The following AGBL4 variants were observed in gnomAD, a reference collection of about 807,000 sequenced individuals.
AGBL4 encodes the protein cytosolic carboxypeptidase 6.
Under a neutral mutation model 66.4 loss-of-function variants are expected in AGBL4, and 58 were observed. The ratio of observed to expected loss-of-function variants is 0.87; its 90% CI spans 0.71 to 1.09. The LOEUF (loss-of-function observed/expected upper bound fraction) is 1.09. Among genes scored for constraint, AGBL4 ranks in the 50% least tolerant of loss-of-function variants. The pLI, the probability that AGBL4 is intolerant of heterozygous loss-of-function variation, is 0.00. For missense variants in AGBL4, 579 were observed against 631.0 expected (o/e 0.92, Z 0.88); for synonymous variants, 234 against 222.9 (o/e 1.05, Z -0.44).
intron 3 of AGBL4, among the ~76,000 whole-genome samples, chr1:49,480,196 T>G (rs1646927887): frequency 6.6e-6 from 1 of 152,108 alleles, no homozygotes; most frequent in African/African-American, 2.4e-5. Context: ...TCTTTAGGTC[T>G]TTGAGGAATC....
At chr1:49,087,310 A>G (rs1644926376) in intron 4 of AGBL4, among the ~76,000 whole-genome samples, 1 of 152,246 alleles carries the variant, frequency 6.6e-6, no homozygotes, top group South Asian at 2.1e-4. Context: ...TTAAAGAGAA[A>G]GTTGAAACCC....
At chr1:48,790,681 G>GAGAGGTGAGATATTTA (rs1645528602) in intron 6 of AGBL4, among the ~76,000 whole-genome samples, 2 of 152,188 alleles carry the variant, frequency 1.3e-5, no homozygotes, top group South Asian at 4.1e-4. Context: ...CAACAGTGTA[G>GAGAGGTGAGATATTTA]AGAGGTGAGA....
At chr1:48,711,448 A>C (rs765862312) in intron 6 of AGBL4, among the ~76,000 whole-genome samples, 2 of 152,180 alleles carry the variant, frequency 1.3e-5, no homozygotes, top group Non-Finnish European at 2.9e-5. Context: ...TTGGTGTTAA[A>C]TGTGACTTGT....
intron 3 of AGBL4, among the ~76,000 whole-genome samples, chr1:49,474,089 T>A (rs1646801645): frequency 1.3e-5 from 2 of 152,100 alleles, no homozygotes; most frequent in Non-Finnish European, 2.9e-5. Context: ...TTCTTTTTGC[T>A]TAGGACTTCC....
At chr1:48,789,706 G>C (rs990315210) in intron 6 of AGBL4, among the ~76,000 whole-genome samples, 2 of 152,152 alleles carry the variant, frequency 1.3e-5, no homozygotes, top group African/African-American at 2.4e-5. Flanking sequence ...AAAGGAAAGG[G>C]AGGGAGACAT....
At chr1:48,721,061 C>A (rs1331270621) in intron 6 of AGBL4, among the ~76,000 whole-genome samples, 1 of 151,132 alleles carries the variant, frequency 6.6e-6, no homozygotes, top group Non-Finnish European at 1.5e-5. Context: ...GGTAGAGAGG[C>A]AGAGGAGCTG....
chr1:49,324,068 G>A (rs371343485), intron 3 of AGBL4, among the ~76,000 whole-genome samples: 3 of 152,128 alleles, frequency 2.0e-5, no homozygotes, highest in Non-Finnish European at 2.9e-5. Flanking sequence ...ACAAATTAAC[G>A]AATAAATGAC....
At chr1:48,526,901 T>C in the AGBL4 span, among the ~76,000 whole-genome samples, 2 of 152,116 alleles carry the variant, frequency 1.3e-5, no homozygotes, top group Non-Finnish European at 2.9e-5. Flanking sequence ...GTCTCCTTCA[T>C]CTCTCCATGG....
At chr1:48,996,385 C>T (rs1024280171) in intron 5 of AGBL4, among the ~76,000 whole-genome samples, 9 of 152,154 alleles carry the variant, frequency 5.9e-5, no homozygotes, top group Non-Finnish European at 8.8e-5. Flanking sequence ...AAGAAGAAAG[C>T]ATAGTGGCTA....
chr1:49,142,727 A>G (rs952087490), intron 4 of AGBL4, among the ~76,000 whole-genome samples: 1 of 152,172 alleles, frequency 6.6e-6, no homozygotes, highest in Non-Finnish European at 1.5e-5. Context: ...TAATCTAAGG[A>G]ATATCAAAAT....
chr1:48,648,110 T>C (rs761359798), intron 8 of AGBL4, among the ~76,000 whole-genome samples: 1 of 152,162 alleles, frequency 6.6e-6, no homozygotes, highest in Non-Finnish European at 1.5e-5. Context: ...TAGGGTTTGA[T>C]GGCATTAAAC....
intron 4 of AGBL4, among the ~76,000 whole-genome samples, chr1:49,230,509 T>A (rs966873876): frequency 6.6e-6 from 1 of 152,144 alleles, no homozygotes. Context: ...ACATTTAGTG[T>A]CTCATCCGCT....
chr1:49,338,348 A>C (rs1346535205), intron 3 of AGBL4, among the ~76,000 whole-genome samples: 1 of 152,204 alleles, frequency 6.6e-6, no homozygotes, highest in East Asian at 1.9e-4. Context: ...ATAGAGCTTA[A>C]ATGTCAACTC....
rs537443728 is a variant in AGBL4 at position 49,672,347 on chromosome 1, G to A, written c.282+24966C>T. ...AGACACTGGGGTCTACTTGAGGGGGGAGGGTGGGAGGAGGAAGAGGAGCAG... is the reference window on the plus strand; with the variant it reads ...AGACACTGGGGTCTACTTGAGGGGGAAGGGTGGGAGGAGGAAGAGGAGCAG... On this transcript the variant is annotated intron_variant, in intron 3 of 13. Transcript: ENST00000371839. 1.3e-3 allele frequency among the ~76,000 whole-genome samples: 201 copies of A among 151,834 alleles called. 2 individuals carry two copies. Among genetic ancestry groups the A allele is most frequent in the African/African-American group, 4.6e-3 (190 of 41,440 alleles).
At chr1:48,608,955 G>T (rs1319762570) in intron 9 of AGBL4, among the ~76,000 whole-genome samples, 3 of 152,156 alleles carry the variant, frequency 2.0e-5, no homozygotes, top group African/African-American at 7.2e-5. Context: ...AACCTTTTGA[G>T]GTTGGCGTTA....
chr1:49,439,352 C>T (rs1645973902), intron 3 of AGBL4, among the ~76,000 whole-genome samples: 2 of 152,204 alleles, frequency 1.3e-5, no homozygotes, highest in South Asian at 4.1e-4. Context: ...CATGTCTCCT[C>T]TATGAGTTCT....
intron 4 of AGBL4, among the ~76,000 whole-genome samples, chr1:49,179,509 T>C (rs1646890829): frequency 6.6e-6 from 1 of 151,992 alleles, no homozygotes; most frequent in South Asian, 2.1e-4. Flanking sequence ...AGAAGATACT[T>C]GGTGAAAGTT....
intron 3 of AGBL4, among the ~76,000 whole-genome samples, chr1:49,363,457 C>T (rs1644182516): frequency 6.6e-6 from 1 of 152,190 alleles, no homozygotes; most frequent in Non-Finnish European, 1.5e-5. Context: ...GCACAGATGA[C>T]AAATGTCTTC....
intron 5 of AGBL4, among the ~76,000 whole-genome samples, chr1:48,951,313 C>G (rs539900945): frequency 6.6e-6 from 1 of 151,736 alleles, no homozygotes; most frequent in Non-Finnish European, 1.5e-5. Flanking sequence ...TGTGACTACA[C>G]TAATCACATG....
Sources: gnomAD v4.1 joint callset for allele counts (sites outside exome capture counted in the v4.1 genomes callset) on GRCh38, gnomAD v4.1.1 for gene constraint, MANE v1.5 for transcripts, NCBI Gene and HGNC (gene_info 2026-07-23, HGNC 2026-07-21) for gene names.